The following C1orf21 variants were observed in gnomAD, a reference collection of about 807,000 sequenced individuals.
The protein encoded by C1orf21 is uncharacterized protein C1orf21.
In C1orf21, 3 loss-of-function variants were observed where a neutral mutation model predicts 18.7. That is an observed-to-expected ratio of 0.16 (90% confidence interval 0.07 to 0.42). The LOEUF (loss-of-function observed/expected upper bound fraction) is 0.42. C1orf21 is among the 10% of genes least tolerant of loss of function. The pLI is 0.99. For synonymous variants in C1orf21, 41 were observed against 46.4 expected, an observed-to-expected ratio of 0.88 and a Z score of 0.47; for missense variants, 104 against 143.6, an observed-to-expected ratio of 0.72 and a Z score of 1.41.
At chr1:184,546,896 A>T (rs1252888086) in intron 3 of C1orf21, among the ~76,000 whole-genome samples, 1 of 152,170 alleles carries the variant, frequency 6.6e-6, no homozygotes, top group Non-Finnish European at 1.5e-5. Flanking sequence ...CGCCATCCCC[A>T]TACTTGACTC....
chr1:184,482,422 G>A (rs2101992680), intron 2 of C1orf21, among the ~76,000 whole-genome samples: 1 of 152,316 alleles, frequency 6.6e-6, no homozygotes, highest in East Asian at 1.9e-4. Context: ...AGGGAATAGA[G>A]TCTCTCCACC....
chr1:184,595,904 C>A (rs183657105), intron 4 of C1orf21, among the ~76,000 whole-genome samples: 21 of 152,290 alleles, frequency 1.4e-4, no homozygotes, highest in Admixed American at 8.5e-4. Flanking sequence ...CAGGCATGTT[C>A]TAATGTTCTT....
intron 3 of C1orf21, among the ~76,000 whole-genome samples, chr1:184,509,259 C>T (rs555396087): frequency 1.3e-5 from 2 of 152,162 alleles, no homozygotes; most frequent in South Asian, 2.1e-4. Flanking sequence ...TTCCTTCTCT[C>T]GCAGTTTTGC....
intron 1 of C1orf21, among the ~76,000 whole-genome samples, chr1:184,458,228 A>G (rs1657250784): frequency 1.3e-5 from 2 of 152,174 alleles, no homozygotes; most frequent in South Asian, 4.1e-4. Context: ...GCTTTGGACC[A>G]GGTATTTAAG....
intron 2 of C1orf21, among the ~76,000 whole-genome samples, chr1:184,494,143 G>A (rs1657856015): frequency 6.6e-6 from 1 of 152,246 alleles, no homozygotes; most frequent in Non-Finnish European, 1.5e-5. Context: ...ATCTGTCAGA[G>A]AAGGTCTATC....
chr1:184,476,659 G>A lies in C1orf21; in HGVS notation c.-124-727G>A, dbSNP rs1657575755. On this transcript the variant is annotated intron_variant, in intron 1 of 5. Coordinates refer to ENST00000235307, the MANE Select transcript of C1orf21 (RefSeq NM_030806.4). ...TATGAGAAATCGGTAGAAGCATGAA[G>A]TTTACGCCAAAAGCTTGACAACTGC... 2.0e-5 allele frequency among the ~76,000 whole-genome samples: 3 copies of A among 152,166 alleles called. No individual in the cohort carries two copies. The South Asian group carries it at 6.2e-4, about 32-fold the overall frequency.
intron 3 of C1orf21, among the ~76,000 whole-genome samples, chr1:184,521,760 CACAA>C (rs748798765): frequency 4.4e-4 from 67 of 152,014 alleles, no homozygotes; most frequent in South Asian, 8.3e-4. Context: ...AAATTAAAAA[CACAA>C]ACAAAAATGA....
At chr1:184,605,644 A>G (rs1488129209) in intron 5 of C1orf21, among the ~76,000 whole-genome samples, 1 of 152,210 alleles carries the variant, frequency 6.6e-6, no homozygotes, top group Non-Finnish European at 1.5e-5. Context: ...GAAAGAGCCC[A>G]TGCTTCAAAC....
In C1orf21 at chr1:184,623,613, C is replaced by T. The variant is rs971413852; in HGVS notation, c.*4057C>T. 3 of 152,494 alleles carry T rather than the reference C, an allele frequency of 2.0e-5. No homozygotes were observed. Among genetic ancestry groups the T allele is most frequent in the Non-Finnish European group, 4.4e-5 (3 of 68,058 alleles). 9.4% of individuals were successfully genotyped at this position (152,494 alleles called of 1,614,324 possible). On this transcript the variant is annotated 3_prime_UTR_variant, in exon 6 of 6. Coordinates refer to ENST00000235307, the MANE Select transcript of C1orf21 (RefSeq NM_030806.4). ...GTGTCATGGGTGGATGCCTGGACTC[C>T]AGTGTGCCTGTGAGGGGCTGGGTTA...
intron 3 of C1orf21, among the ~76,000 whole-genome samples, chr1:184,560,085 G>T (rs886707930): frequency 1.3e-5 from 2 of 152,058 alleles, no homozygotes; most frequent in Admixed American, 6.6e-5. Flanking sequence ...TGCAAGAATG[G>T]CCTAATACAT....
chr1:184,585,248 A>G (rs1044469767), intron 3 of C1orf21, among the ~76,000 whole-genome samples: 1 of 152,120 alleles, frequency 6.6e-6, no homozygotes, highest in Non-Finnish European at 1.5e-5. Context: ...AATGATACTA[A>G]GAGGCTATTT....
At chr1:184,404,048 A>G (rs907774097) in intron 1 of C1orf21, among the ~76,000 whole-genome samples, 3 of 152,346 alleles carry the variant, frequency 2.0e-5, no homozygotes, top group Non-Finnish European at 4.4e-5. Context: ...CAGATATAGC[A>G]CCTACATTAA....
At chr1:184,418,846 C>T (rs1431988228) in intron 1 of C1orf21, among the ~76,000 whole-genome samples, 1 of 152,214 alleles carries the variant, frequency 6.6e-6, no homozygotes, top group Non-Finnish European at 1.5e-5. Flanking sequence ...TAGCTCATGC[C>T]AGTTCCTGTT....
intron 3 of C1orf21, among the ~76,000 whole-genome samples, chr1:184,577,783 T>C (rs1210643540): frequency 6.6e-6 from 1 of 152,174 alleles, no homozygotes; most frequent in Non-Finnish European, 1.5e-5. Flanking sequence ...TGTTAAAATA[T>C]CAAAGACATG....
intron 2 of C1orf21, among the ~76,000 whole-genome samples, chr1:184,499,922 A>G (rs1657948843): frequency 6.6e-6 from 1 of 152,194 alleles, no homozygotes; most frequent in Non-Finnish European, 1.5e-5. Context: ...GCTAGGAGTA[A>G]TTGAGAGGAT....
intron 2 of C1orf21, among the ~76,000 whole-genome samples, chr1:184,478,376 A>G (rs1022048055): frequency 1.3e-5 from 2 of 152,220 alleles, no homozygotes; most frequent in African/African-American, 2.4e-5. Flanking sequence ...TTGGCAACCC[A>G]TGGCCACACC....
At chr1:184,556,560 T>A (rs1658882852) in intron 3 of C1orf21, among the ~76,000 whole-genome samples, 1 of 152,196 alleles carries the variant, frequency 6.6e-6, no homozygotes, top group South Asian at 2.1e-4. Context: ...GCCACCATTG[T>A]GACCACTGCC....
chr1:184,582,269 A>G (rs1208729368), intron 3 of C1orf21, among the ~76,000 whole-genome samples: 5 of 152,238 alleles, frequency 3.3e-5, no homozygotes, highest in African/African-American at 1.2e-4. Context: ...CCCCAAAGCT[A>G]GCATTATTGT....
intron 1 of C1orf21, among the ~76,000 whole-genome samples, chr1:184,436,225 A>G (rs12093839): frequency 0.35 from 53,180 of 151,926 alleles, 11,054 homozygotes; most frequent in African/African-American, 0.59. Flanking sequence ...GGAAGGTAGG[A>G]TATATGGGAT....
Sources: gnomAD v4.1 joint callset for allele counts (sites outside exome capture counted in the v4.1 genomes callset) on GRCh38, gnomAD v4.1.1 for gene constraint, MANE v1.5 for transcripts, NCBI Gene and HGNC (gene_info 2026-07-23, HGNC 2026-07-21) for gene names.